The following DNAAF5 variants were observed in gnomAD, a reference collection of about 807,000 sequenced individuals.
DNAAF5 encodes HEAT repeat containing 2.
In DNAAF5, 64 loss-of-function variants were observed where a neutral mutation model predicts 75.8. The observed-to-expected ratio is 0.84, with a 90% CI of 0.69 to 1.04. The LOEUF is 1.04. Among genes scored for constraint, DNAAF5 ranks in the 50% least tolerant of loss-of-function variants. DNAAF5 has a pLI of 0.00. For synonymous variants in DNAAF5, 657 were observed against 557.2 expected, an observed-to-expected ratio of 1.18 and a Z score of -2.52; for missense variants, 1,269 against 1,178.5, an observed-to-expected ratio of 1.08 and a Z score of -1.12.
chr7:773,580 G>A (rs1034116143), intron 9 of DNAAF5, among the ~76,000 whole-genome samples: 4 of 152,160 alleles, frequency 2.6e-5, no homozygotes, highest in East Asian at 1.9e-4. Flanking sequence ...CTGTGAAGCC[G>A]CAGCGACTGT....
At chr7:774,231 G>T in intron 10 of DNAAF5, 33 bp downstream of exon 10, 1 of 1,570,022 alleles carries the variant, frequency 6.4e-7, no homozygotes, top group Non-Finnish European at 8.6e-7. Flanking sequence ...GGTGGACACC[G>T]GCCGGGGACT....
At chr7:746,683 A>C (rs1349965228) in intron 4 of DNAAF5, among the ~76,000 whole-genome samples, 5 of 114,554 alleles carry the variant, frequency 4.4e-5, no homozygotes, top group East Asian at 2.5e-4. Flanking sequence ...CCATCCTGCC[A>C]CCCCCTGCCC....
intron 12 of DNAAF5, among the ~76,000 whole-genome samples, chr7:781,462 A>G (rs1207665808): frequency 6.6e-6 from 1 of 151,806 alleles, no homozygotes; most frequent in African/African-American, 2.4e-5. Flanking sequence ...TGGCTGTCGG[A>G]ACAGTGGGGC....
intron 2 of DNAAF5, among the ~76,000 whole-genome samples, chr7:740,331 C>T (rs916117740): frequency 6.6e-6 from 1 of 152,228 alleles, no homozygotes; most frequent in Non-Finnish European, 1.5e-5. Context: ...TACTGGTTTC[C>T]TCCAGAGTCC....
chr7:763,843 G>T lies in DNAAF5; in HGVS notation c.1652G>T (p.Gly551Val), dbSNP rs1482588393. ...ATGGACTCACTGGCCATGGTGGAGGGTGTCAGCAGCTGCCAGGACCTCTAC... is the reference window on the plus strand; with the variant it reads ...ATGGACTCACTGGCCATGGTGGAGGTTGTCAGCAGCTGCCAGGACCTCTAC... ...ETMDSLAMVE[G>V]VSSCQDLYRK... The change falls in exon 8 of 13, where the codon GGT (glycine) becomes GTT (valine). Residue 551 changes from glycine (G) to valine (V), a missense_variant. Gly to Val is a moderately radical substitution (Grantham distance 109, BLOSUM62 -3). Transcript: ENST00000297440. 1.2e-6 allele frequency: 2 copies of T among 1,613,434 alleles called. No homozygotes were observed. Among genetic ancestry groups the T allele is most frequent in the African/African-American group, 1.3e-5 (1 of 75,068 alleles).
chr7:769,796 C>T (rs557230786), intron 8 of DNAAF5, among the ~76,000 whole-genome samples: 2 of 152,190 alleles, frequency 1.3e-5, no homozygotes, highest in South Asian at 2.1e-4. Flanking sequence ...CCCACCACCA[C>T]GCCCAGCTAA....
intron 8 of DNAAF5, chr7:768,930 A>G: frequency 1.8e-6 from 1 of 554,340 alleles, no homozygotes; most frequent in Non-Finnish European, 3.3e-6. Flanking sequence ...GCAGGGCGGC[A>G]CTTGGCCCAA....
At chr7:774,314 G>A in intron 10 of DNAAF5, 116 bp downstream of exon 10, 4 of 1,111,590 alleles carry the variant, frequency 3.6e-6, no homozygotes, top group Non-Finnish European at 3.7e-6. Context: ...ACCTCCACCT[G>A]GGGCCCGTAC....
At chr7:734,263 G>A (rs1041287095) in intron 2 of DNAAF5, among the ~76,000 whole-genome samples, 5 of 152,172 alleles carry the variant, frequency 3.3e-5, no homozygotes, top group Admixed American at 1.3e-4. Flanking sequence ...TTGTACTGAG[G>A]TGTGTTCCTT....
chr7:770,371 C>T (rs1001354597), intron 8 of DNAAF5, 100 bp from the exon 9 acceptor site: 3 of 1,081,478 alleles, frequency 2.8e-6, no homozygotes, highest in Non-Finnish European at 4.0e-6. Flanking sequence ...CCGATAGTGC[C>T]CTCTCCCAGG....
chr7:731,762 A>G (rs915741285), intron 2 of DNAAF5, among the ~76,000 whole-genome samples: 1 of 152,048 alleles, frequency 6.6e-6, no homozygotes, highest in Non-Finnish European at 1.5e-5. Context: ...TTCTTCCAGC[A>G]TGGCCCGTTT....
chr7:764,211 G>A (rs1306467863), intron 8 of DNAAF5, among the ~76,000 whole-genome samples: 1 of 152,262 alleles, frequency 6.6e-6, no homozygotes, highest in African/African-American at 2.4e-5. Flanking sequence ...GCTTTCATGT[G>A]AAACCTTCAA....
At chr7:746,505 C>T (rs1782115009) in intron 4 of DNAAF5, among the ~76,000 whole-genome samples, 1 of 144,226 alleles carries the variant, frequency 6.9e-6, no homozygotes, top group South Asian at 2.3e-4. Flanking sequence ...GTGACGCCCT[C>T]CTTACCGTCC....
At chr7:731,821 C>G (rs1320550015) in intron 2 of DNAAF5, among the ~76,000 whole-genome samples, 2 of 152,166 alleles carry the variant, frequency 1.3e-5, no homozygotes, top group African/African-American at 4.8e-5. Context: ...CGGCCCTTCA[C>G]GTGAGTTTCG....
chr7:729,551 GAGGA>G, intron 1 of DNAAF5, 108 bp from the exon 2 acceptor site: 1 of 972,254 alleles, frequency 1.0e-6, no homozygotes, highest in Non-Finnish European at 1.5e-6. Context: ...TGGCGTAGGA[GAGGA>G]AGGGAGGTGA....
chr7:781,410 T>A (rs1778935887), intron 12 of DNAAF5, among the ~76,000 whole-genome samples: 1 of 152,200 alleles, frequency 6.6e-6, no homozygotes, highest in African/African-American at 2.4e-5. Flanking sequence ...GTTTTCCTTC[T>A]CCCTTCATCT....
chr7:730,156 A>G (rs1186309093), intron 2 of DNAAF5, among the ~76,000 whole-genome samples: 1 of 152,132 alleles, frequency 6.6e-6, no homozygotes, highest in Non-Finnish European at 1.5e-5. Context: ...ATCCATCAAG[A>G]CGCACTTTCC....
At chr7:743,595 C>G (rs1295249237) in intron 4 of DNAAF5, among the ~76,000 whole-genome samples, 2 of 151,134 alleles carry the variant, frequency 1.3e-5, no homozygotes, top group African/African-American at 4.9e-5. Context: ...AAATTAGTTG[C>G]AAGCAAGGTT....
chr7:763,820 G>T lies in DNAAF5; in HGVS notation c.1629G>T (p.Met543Ile), dbSNP rs1158405716. The change falls in exon 8 of 13, where the codon ATG becomes ATT. Residue 543 changes from methionine (M) to isoleucine (I), a missense_variant. Coordinates refer to ENST00000297440, the MANE Select transcript of DNAAF5 (RefSeq NM_017802.4). ...TGLRDKAQETMDSLAMVEGVS... is the reference protein window; with the variant it reads ...TGLRDKAQETIDSLAMVEGVS... ...GTAACCTCCAGGCACAGGAGACGAT[G>T]GACTCACTGGCCATGGTGGAGGGTG... 1 of 1,613,300 alleles carries T rather than the reference G, an allele frequency of 6.2e-7. No individual in the cohort carries two copies. Among genetic ancestry groups the T allele is most frequent in the Non-Finnish European group, 8.5e-7 (1 of 1,180,030 alleles).
Sources: allele counts gnomAD v4.1 joint callset (sites outside exome capture counted in the v4.1 genomes callset), GRCh38; gene constraint gnomAD v4.1.1; transcripts MANE v1.5; gene names NCBI Gene and HGNC (gene_info 2026-07-23, HGNC 2026-07-21).